GALNT9: variants seen among roughly 807,000 people sequenced by gnomAD.
The protein encoded by GALNT9 is GalNAc transferase 9.
A neutral mutation model predicts 63.1 loss-of-function variants in GALNT9; 47 were observed. That is an observed-to-expected ratio of 0.75 (90% CI 0.59 to 0.95). GALNT9 has a LOEUF of 0.95. Ranked by LOEUF, GALNT9 falls within the 40% of genes least tolerant of loss-of-function variation. GALNT9 has a pLI of 0.00. For missense variants in GALNT9, 829 were observed against 874.8 expected, an observed-to-expected ratio of 0.95 and a Z score of 0.66; for synonymous variants, 396 against 365.7, an observed-to-expected ratio of 1.08 and a Z score of -0.94.
intron 1 of GALNT9, among the ~76,000 whole-genome samples, chr12:132,287,466 G>A (rs750704308): frequency 2.6e-5 from 4 of 152,112 alleles, no homozygotes; most frequent in African/African-American, 7.2e-5. Flanking sequence ...ATCCACATGC[G>A]TGCTGCTACT....
In GALNT9 at chr12:132,310,773, A is replaced by G. The variant is rs1018867438; in HGVS notation, c.238+18193T>C. 1.3e-5 allele frequency among the ~76,000 whole-genome samples: 2 copies of G among 152,148 alleles called. No homozygotes were observed. The highest frequency in any genetic ancestry group is 4.8e-5 in the African/African-American group (2 of 41,438). The stretch of plus-strand genomic sequence containing the variant: ...GGGGCAGAGGGAGCGCGCGCTGGGA[A>G]GGTGGGAGCCACGCTGTCCTCCCAC... On this transcript the variant is annotated intron_variant, in intron 1 of 10. Transcript: ENST00000328957. This position sits in a 1 kb window ranked among gnomAD's most constrained non-coding sequence, Gnocchi z 4.8.
intron 1 of GALNT9, among the ~76,000 whole-genome samples, chr12:132,290,568 ACCCACATCCACAGCG>A (rs1880772039): frequency 1.3e-5 from 2 of 150,230 alleles, no homozygotes; most frequent in South Asian, 2.1e-4. Context: ...CGTCCACACC[ACCCACATCCACAGCG>A]CCCACATCCA....
intron 6 of GALNT9, among the ~76,000 whole-genome samples, chr12:132,243,327 A>G (rs77556896): frequency 1.5e-5 from 1 of 67,068 alleles, no homozygotes; most frequent in South Asian, 6.3e-4. Context: ...CACACCACAC[A>G]CCCTTCCCGG....
In GALNT9 at chr12:132,319,659, G is replaced by T. The variant is rs987895228; in HGVS notation, c.238+9307C>A. On this transcript the variant is annotated intron_variant, in intron 1 of 10. Coordinates refer to ENST00000328957, the MANE Select transcript of GALNT9 (RefSeq NM_001122636.2). The surrounding 1 kb of genome is among the most constrained non-coding windows in gnomAD (Gnocchi z 5.2). ...ACTAGCTGAGTTTGCTTTTCAACAG[G>T]CCTTTCCGTCTGGGGCAGGTCAACA... is the stretch of plus-strand genomic sequence containing the variant. Among the ~76,000 whole-genome samples the T allele has an allele frequency of 2.0e-5, 3 of 152,106 alleles. No individual in the cohort carries two copies. The highest frequency in any genetic ancestry group is 7.2e-5 in the African/African-American group (3 of 41,422).
intron 6 of GALNT9, among the ~76,000 whole-genome samples, chr12:132,204,940 TC>T (rs769789078): frequency 6.6e-6 from 1 of 151,518 alleles, no homozygotes; most frequent in Non-Finnish European, 1.5e-5. Flanking sequence ...ATCTCCTGAA[TC>T]CCCCCACCAC....
chr12:132,207,671 C>CTG, intron 6 of GALNT9, among the ~76,000 whole-genome samples: 1 of 152,324 alleles, frequency 6.6e-6, no homozygotes, highest in Admixed American at 6.5e-5. Context: ...CCATCATTAG[C>CTG]TGAGGACCTG....
chr12:132,296,649 G>A lies in GALNT9; in HGVS notation c.239-10219C>T, dbSNP rs1438631472. The stretch of plus-strand genomic sequence containing the variant: ...CCTGCTGTTCTGAGGTCACAGGCTG[G>A]TGGTGACAGCTGACCTGTCACACAC... On this transcript the variant is annotated intron_variant, in intron 1 of 10. Coordinates refer to ENST00000328957, the MANE Select transcript of GALNT9 (RefSeq NM_001122636.2). This position sits in a 1 kb window ranked among gnomAD's most constrained non-coding sequence, Gnocchi z 4.2. Among the ~76,000 whole-genome samples, 1 of 152,164 alleles carries A rather than the reference G, an allele frequency of 6.6e-6. No individual in the cohort carries two copies. Among genetic ancestry groups the A allele is most frequent in the African/African-American group, 2.4e-5 (1 of 41,424 alleles).
intron 9 of GALNT9, among the ~76,000 whole-genome samples, chr12:132,198,708 G>C (rs1413588980): frequency 1.3e-5 from 2 of 152,206 alleles, no homozygotes; most frequent in Admixed American, 1.3e-4. Flanking sequence ...CCAGGATGGA[G>C]TGCACTGGTG....
At chr12:132,304,745 ACACAGCCTCGCCCGGG>A in intron 1 of GALNT9, among the ~76,000 whole-genome samples, 1 of 27,648 alleles carries the variant, frequency 3.6e-5, no homozygotes, top group Non-Finnish European at 5.9e-5. Context: ...CCTCACCCAG[ACACAGCCTCGCCCGGG>A]CACACCCTCA....
intron 6 of GALNT9, among the ~76,000 whole-genome samples, chr12:132,228,599 A>AC (rs1213507284): frequency 0.039 from 5,942 of 150,982 alleles, 145 homozygotes; most frequent in Middle Eastern, 0.085. Context: ...TGCAAAAGCC[A>AC]CCCCCCCGGC....
chr12:132,292,099 C>T (rs894362396), intron 1 of GALNT9, among the ~76,000 whole-genome samples: 16 of 152,126 alleles, frequency 1.1e-4, no homozygotes, highest in African/African-American at 3.6e-4. Flanking sequence ...AAGCCATTCC[C>T]GGTGACGGCA....
intron 6 of GALNT9, among the ~76,000 whole-genome samples, chr12:132,209,454 G>A (rs573303839): frequency 6.6e-6 from 1 of 152,212 alleles, no homozygotes; most frequent in African/African-American, 2.4e-5. Flanking sequence ...GGAGGCTGAG[G>A]CAGGAGAATT....
At chr12:132,212,102 T>C (rs1234380269) in intron 6 of GALNT9, among the ~76,000 whole-genome samples, 1 of 152,108 alleles carries the variant, frequency 6.6e-6, no homozygotes, top group Non-Finnish European at 1.5e-5. Flanking sequence ...CAGAGAAGGA[T>C]GCCAGCCTTC....
chr12:132,203,454 T>C lies in GALNT9; in HGVS notation c.1263+51A>G, dbSNP rs773295572. 14 of 1,589,614 alleles carry C rather than the reference T, an allele frequency of 8.8e-6. No homozygotes were observed. In the African/African-American group the frequency reaches 1.9e-4, roughly 21 times the overall value. On this transcript the variant is annotated intron_variant, in intron 7 of 10. Coordinates refer to ENST00000328957, the MANE Select transcript of GALNT9 (RefSeq NM_001122636.2). ...CTCCGGCCCAGCCCTGCCGTGGCAT[T>C]GACCCCGACCCTGGGGCATGGCCCC...
intron 5 of GALNT9, among the ~76,000 whole-genome samples, chr12:132,250,888 G>A (rs552187297): frequency 3.9e-5 from 6 of 152,342 alleles, no homozygotes; most frequent in South Asian, 4.1e-4. Flanking sequence ...CCACATCCCC[G>A]GAGGCCTGCG....
At chr12:132,226,356 TATACACATCCCACACACTGTAC>T (rs1324339402) in intron 6 of GALNT9, among the ~76,000 whole-genome samples, 1 of 139,714 alleles carries the variant, frequency 7.2e-6, no homozygotes, top group African/African-American at 2.7e-5. Flanking sequence ...TTATACCCCA[TATACACATCCCACACACTGTAC>T]ATACACATCC....
At chr12:132,264,029 G>A (rs1192067696) in intron 2 of GALNT9, among the ~76,000 whole-genome samples, 6 of 152,180 alleles carry the variant, frequency 3.9e-5, no homozygotes, top group Admixed American at 1.3e-4. Context: ...CAGACTTTAC[G>A]AGGGCAGGTG....
intron 6 of GALNT9, chr12:132,240,685 TTC>T (rs2136899193): frequency 2.2e-6 from 1 of 456,062 alleles, no homozygotes; most frequent in Admixed American, 2.4e-5. Context: ...TCCTCTTTTA[TTC>T]TGTTTATAAT....
chr12:132,315,100 C>T lies in GALNT9; in HGVS notation c.238+13866G>A, dbSNP rs1868434545. The stretch of plus-strand genomic sequence containing the variant: ...GACTGGGCGGCCTGACGGAGGTGGC[C>T]CAGGGGGAGGTGGTGGGGCCGGGCT... On this transcript the variant is annotated intron_variant, in intron 1 of 10. Transcript: ENST00000328957. The surrounding 1 kb of genome is among the most constrained non-coding windows in gnomAD (Gnocchi z 6.1). Among the ~76,000 whole-genome samples, 1 of 152,158 alleles carries T rather than the reference C, an allele frequency of 6.6e-6. No homozygotes were observed. Among genetic ancestry groups the T allele is most frequent in the African/African-American group, 2.4e-5 (1 of 41,450 alleles).
Sources: allele counts gnomAD v4.1 joint callset (sites outside exome capture counted in the v4.1 genomes callset), GRCh38; gene constraint gnomAD v4.1.1; non-coding constraint Gnocchi (gnomAD v3.1); transcripts MANE v1.5; gene names NCBI Gene and HGNC (gene_info 2026-07-23, HGNC 2026-07-21).